The following TTN variants were observed in gnomAD, a reference collection of about 807,000 sequenced individuals.
The protein encoded by TTN is titin.
Under a neutral mutation model 3,223.0 loss-of-function variants are expected in TTN, and 1,525 were observed. The observed-to-expected ratio is 0.47, with a 90% CI of 0.45 to 0.49. The LOEUF is 0.49. Ranked by LOEUF, TTN falls within the 20% of genes least tolerant of loss-of-function variation. TTN has a pLI of 0.00. For synonymous variants in TTN, 14,094 were observed against 15,161.0 expected (o/e 0.93, Z 5.17); for missense variants, 40,786 against 43,424.0 (o/e 0.94, Z 5.40).
chr2:178,604,565 G>A lies in TTN; in HGVS notation c.54381+143C>T, dbSNP rs541899175. 222 of 948,474 alleles carry A rather than the reference G, an allele frequency of 2.3e-4. 3 individuals carry two copies. The South Asian group carries it at 4.1e-3, about 18-fold the overall frequency. The allele number at this position is 948,474 out of a possible 1,614,324, so 58.8% of individuals were successfully genotyped here. On this transcript the variant is annotated intron_variant, in intron 281 of 362. Coordinates refer to ENST00000589042, the MANE Select transcript of TTN (RefSeq NM_001267550.2). ...GTACTAAGGAGCCTTATGTGTGTGG[G>A]GCTAAACACTACAATAACAAAATAA... is the stretch of plus-strand genomic sequence containing the variant.
In TTN at chr2:178,564,827, G is replaced by A. The variant is rs760944577; in HGVS notation, c.81305C>T (p.Thr27102Ile). 1.9e-6 allele frequency: 3 copies of A among 1,613,000 alleles called. No individual in the cohort carries two copies. The East Asian group carries it at 6.7e-5, about 36-fold the overall frequency. The change falls in exon 326 of 363, where the codon ACC becomes ATC. Residue 27102 changes from threonine (T) to isoleucine (I), a missense_variant. Thr to Ile is a moderately conservative substitution (Grantham distance 89). Transcript: ENST00000589042. ...TTCAAGATGGTAGCCAATAATTTTGGTGCCTCCATCATTCACTGGCTCATG... is the reference window on the plus strand; with the variant it reads ...TTCAAGATGGTAGCCAATAATTTTGATGCCTCCATCATTCACTGGCTCATG... The part of the protein sequence containing the change: ...QWHEPVNDGG[T>I]KIIGYHLEQK...
chr2:178,707,445 A>G (rs1044867124), intron 100 of TTN, 81 bp downstream of exon 100: 8 of 1,438,310 alleles, frequency 5.6e-6, no homozygotes, highest in Admixed American at 2.6e-5. Context: ...ATCTAATTCC[A>G]TTTCTAGGGA....
In TTN at chr2:178,630,905, C is replaced by T. The variant is rs1473069344; in HGVS notation, c.44053G>A (p.Glu14685Lys). The T allele has an allele frequency of 8.7e-6, 14 of 1,613,196 alleles. No homozygotes were observed. The East Asian group carries it at 2.5e-4, about 28-fold the overall frequency. ...IKLVRPLHSVEVMETETARFE... is the reference protein window; with the variant it reads ...IKLVRPLHSVKVMETETARFE... ...CGTGCTGTCTCAGTCTCCATCACCT[C>T]CACACTGTGCAGGGGTCGCACCAGT... The change falls in exon 238 of 363, where the codon GAG becomes AAG. Residue 14685 changes from glutamate to lysine, a missense_variant. By Grantham distance (56) the Glu-to-Lys change is moderately conservative. Coordinates refer to ENST00000589042, the MANE Select transcript of TTN (RefSeq NM_001267550.2).
chr2:178,608,755 A>G lies in TTN; in HGVS notation c.52256T>C (p.Ile17419Thr), dbSNP rs1162756483. The G allele has an allele frequency of 5.6e-6, 9 of 1,612,530 alleles. No individual in the cohort carries two copies. The highest frequency in any genetic ancestry group is 2.7e-5 in the African/African-American group (2 of 74,832). The change falls in exon 274 of 363, where the codon ATT becomes ACT. Residue 17419 changes from isoleucine (I) to threonine (T), a missense_variant. By Grantham distance (89) the Ile-to-Thr change is moderately conservative (BLOSUM62 -1). Coordinates refer to ENST00000589042, the MANE Select transcript of TTN (RefSeq NM_001267550.2). ...KDKTKPDSEW[I>T]VVTSTLRHCK... is the part of the protein sequence containing the mutation. ...ATGTCTAAGTGTTGAAGTGACAACA[A>G]TCCATTCTGAGTCGGGTTTTGTCTT...
chr2:178,789,324 A>G (rs777765860), intron 13 of TTN, 36 bp downstream of exon 13: 2 of 1,611,724 alleles, frequency 1.2e-6, no homozygotes, highest in South Asian at 2.2e-5. Flanking sequence ...AATGTATTAT[A>G]ATAGGGGATT....
At position 178,689,075 on chromosome 2, in the gene TTN, A is replaced by T. The variant is rs1296372008; in HGVS notation, c.32073T>A (p.Ala10691=). 5 of 1,581,748 alleles carry T rather than the reference A, an allele frequency of 3.2e-6. No individual in the cohort carries two copies. Among genetic ancestry groups the T allele is most frequent in the Non-Finnish European group, 4.3e-6 (5 of 1,170,638 alleles). ...TACCTCGGGGAGGAGGAGCTTTCTT[A>T]GCGACAGGAACTGGCACTGCAACTT... is the stretch of plus-strand genomic sequence containing the variant. ...EEKVAVPVPV[A]KKAPPPRAEV... The change falls in exon 125 of 363, where the codon GCT becomes GCA. Residue 10691 remains alanine (A), a synonymous_variant. Transcript: ENST00000589042.
In TTN at chr2:178,714,056, T is replaced by C; in HGVS notation, c.26602A>G (p.Lys8868Glu). The C allele has an allele frequency of 1.2e-6, 2 of 1,613,642 alleles. No individual in the cohort carries two copies. Among genetic ancestry groups the C allele is most frequent in the Non-Finnish European group, 1.7e-6 (2 of 1,179,714 alleles). ...ELSTKWFKDGKELTSDNKYKI... is the reference protein window; with the variant it reads ...ELSTKWFKDGEELTSDNKYKI... ...TATTTGTTGTCACTTGTTAGCTCTT[T>C]TCCATCCTTAAACCACTTAGTACTG... Residue 8868 changes from lysine (K) to glutamate (E), a missense_variant, in exon 92 of 363, where the codon AAA (lysine) becomes GAA (glutamate). By Grantham distance (56) the Lys-to-Glu change is moderately conservative (BLOSUM62 1). Transcript: ENST00000589042.
chr2:178,548,053 A>G lies in TTN; in HGVS notation c.93573T>C (p.Asp31191=), dbSNP rs965506398. 1.2e-6 allele frequency: 2 copies of G among 1,613,780 alleles called. No individual in the cohort carries two copies. The highest frequency in any genetic ancestry group is 1.7e-5 in the Admixed American group (1 of 59,982). The part of the protein sequence containing the change: ...EYEFRVKAKN[D]AGYSEPREAF... ...CTTCTCTGGGTTCACTATAGCCAGC[A>G]TCATTCTTGGCCTTCACACGGAATT... is the stretch of plus-strand genomic sequence containing the variant. Residue 31191 remains aspartate (D), a synonymous_variant, in exon 339 of 363, where the codon GAT becomes GAC. Coordinates refer to ENST00000589042, the MANE Select transcript of TTN (RefSeq NM_001267550.2). The surrounding 1 kb of genome is among the most constrained non-coding windows in gnomAD (Gnocchi z 4.3).
rs759021289 is a variant in TTN at position 178,774,873 on chromosome 2, G to A, written c.6790+48C>T. The A allele has an allele frequency of 3.7e-6, 6 of 1,609,390 alleles. No individual in the cohort carries two copies. In the Admixed American group the frequency reaches 6.7e-5, roughly 18 times the overall value. ...TAGCTAATTTTACCACATGCTAAGG[G>A]TGACTTTAGAGCTTAGGTAAACAAT... On this transcript the variant is annotated intron_variant, in intron 29 of 362. Coordinates refer to ENST00000589042, the MANE Select transcript of TTN (RefSeq NM_001267550.2).
chr2:178,687,422 G>T (rs1048325702), intron 127 of TTN, among the ~76,000 whole-genome samples: 18 of 151,948 alleles, frequency 1.2e-4, no homozygotes, highest in Non-Finnish European at 5.9e-5. Context: ...TAGCATTATA[G>T]GTATGAAAAG....
rs878894717 is a variant in TTN, at chr2:178,565,347, C to T, written c.80785G>A (p.Glu26929Lys). The T allele has an allele frequency of 2.5e-6, 4 of 1,613,512 alleles. No homozygotes were observed. The African/African-American group carries it at 5.3e-5, about 22-fold the overall frequency. ...AAAACAGTTGAGGTAGCTGTTTCTTCAACGTTTACTCTTGTTGTCTGTTTA... is the reference window on the plus strand; with the variant it reads ...AAAACAGTTGAGGTAGCTGTTTCTTTAACGTTTACTCTTGTTGTCTGTTTA... ...PLKQTTRVNV[E>K]ETATSTVLHI... The change falls in exon 326 of 363, where the codon GAA becomes AAA. Residue 26929 changes from glutamate (E) to lysine (K), a missense_variant. Glu to Lys is a moderately conservative substitution (Grantham distance 56). Coordinates refer to ENST00000589042, the MANE Select transcript of TTN (RefSeq NM_001267550.2).
Position 178,583,044 on chromosome 2 carries a change from G to A in TTN, c.65759C>T (p.Thr21920Ile). 6.2e-7 allele frequency: 1 copy of A among 1,611,428 alleles called. No individual in the cohort carries two copies. The highest frequency in any genetic ancestry group is 1.1e-5 in the South Asian group (1 of 90,788). The change falls in exon 313 of 363, where the codon ACC (threonine) becomes ATC (isoleucine). Residue 21920 changes from threonine to isoleucine, a missense_variant. Transcript: ENST00000589042. ...IKMAMQRNLC[T>I]LELFSVNRKD... ...CCGGTTCACGCTGAATAGCTCCAAGGTGCACAGATTCCGCTGCATGGCCAT... is the reference window on the plus strand; with the variant it reads ...CCGGTTCACGCTGAATAGCTCCAAGATGCACAGATTCCGCTGCATGGCCAT...
At position 178,725,974 on chromosome 2, in the gene TTN, T is replaced by A; in HGVS notation, c.20348A>T (p.Glu6783Val). ...CTCAAACGGTGGTGTTCCCGAAAGT[T>A]CACATTCAAGACTGACTTCAGCATT... ...LKNAEVSLEC[E>V]LSGTPPFEVV... Residue 6783 changes from glutamate to valine, a missense_variant, in exon 70 of 363, where the codon GAA becomes GTA. Coordinates refer to ENST00000589042, the MANE Select transcript of TTN (RefSeq NM_001267550.2). 1.2e-6 allele frequency: 2 copies of A among 1,611,060 alleles called. No homozygotes were observed. The highest frequency in any genetic ancestry group is 2.2e-5 in the South Asian group (2 of 90,592).
Position 178,542,649 on chromosome 2 carries a change from C to A in TTN, c.97192+13G>T. On this transcript the variant is annotated intron_variant, in intron 348 of 362. Transcript: ENST00000589042. ...AACATCAACTTGCTTGTATCTTTGT[C>A]ACACATCCTTACCAAGAATGATAAC... 1 of 1,606,914 alleles carries A rather than the reference C, an allele frequency of 6.2e-7. No homozygotes were observed. The highest frequency in any genetic ancestry group is 1.1e-5 in the South Asian group (1 of 90,650).
rs2057376658 is a variant in TTN at position 178,616,536 on chromosome 2, A to ACTT, written c.48252_48254dup (p.Gly16084_Ser16085insArg). 9 of 1,612,296 alleles carry ACTT rather than the reference A, an allele frequency of 5.6e-6. No individual in the cohort carries two copies. Among genetic ancestry groups the ACTT allele is most frequent in the Non-Finnish European group, 7.6e-6 (9 of 1,178,976 alleles). On this transcript the variant is annotated inframe_insertion, in exon 257 of 363. Transcript: ENST00000589042. ...TTTCAACAACGTATCCAGTTAACGGACTTCCTCCATCATCATCAGGTGGTT... is the reference window on the plus strand; with the variant it reads ...TTTCAACAACGTATCCAGTTAACGGACTTCTTCCTCCATCATCATCAGGTGGTT...
At chr2:178,716,049 C>T (rs1424596581) in intron 88 of TTN, among the ~76,000 whole-genome samples, 1 of 152,090 alleles carries the variant, frequency 6.6e-6, no homozygotes, top group African/African-American at 2.4e-5. Flanking sequence ...GCAAAAGAGT[C>T]CCTTCTCTAG....
In TTN at chr2:178,681,737, T is replaced by C. The variant is rs1189726849; in HGVS notation, c.33096A>G (p.Glu11032=). 1.9e-6 allele frequency: 3 copies of C among 1,591,582 alleles called. No homozygotes were observed. The East Asian group carries it at 6.7e-5, about 36-fold the overall frequency. Residue 11032 remains glutamate, a splice_region_variant and synonymous_variant, in exon 136 of 363, where the codon GAA becomes GAG. Coordinates refer to ENST00000589042, the MANE Select transcript of TTN (RefSeq NM_001267550.2). ...GCTTTACAGGGATAGGCTTCTCTGG[T>C]TCTTTAAAAGTACATACAAGGTATT... ...RYEEHEEYIT[E]PEKPIPVKPV...
intron 133 of TTN, among the ~76,000 whole-genome samples, chr2:178,683,730 G>A (rs746189217): frequency 6.6e-6 from 1 of 151,980 alleles, no homozygotes; most frequent in African/African-American, 2.4e-5. Context: ...CTAGGCAGAT[G>A]AGTTTAGTAT....
chr2:178,700,637 C>T (rs185832662), intron 111 of TTN, among the ~76,000 whole-genome samples: 1 of 152,178 alleles, frequency 6.6e-6, no homozygotes, highest in East Asian at 1.9e-4. Flanking sequence ...GCCTTAGGTA[C>T]AAAAGAAGTC....
Sources: allele counts gnomAD v4.1 joint callset (sites outside exome capture counted in the v4.1 genomes callset), GRCh38; gene constraint gnomAD v4.1.1; non-coding constraint Gnocchi (gnomAD v3.1); transcripts MANE v1.5; gene names NCBI Gene and HGNC (gene_info 2026-07-23, HGNC 2026-07-21).